Variants in ADAMTS12 observed in about 807,000 individuals in gnomAD.
The protein encoded by ADAMTS12 is ADAM metallopeptidase with thrombospondin type 1 motif 12.
A neutral mutation model predicts 167.8 loss-of-function variants in ADAMTS12; 118 were observed. The ratio of observed to expected loss-of-function variants is 0.70; its 90% CI spans 0.61 to 0.82. The LOEUF (loss-of-function observed/expected upper bound fraction) is 0.82. Among genes scored for constraint, ADAMTS12 ranks in the 40% least tolerant of loss-of-function variants. The probability of loss-of-function intolerance (pLI) is 0.00; values close to 1 mark genes in which losing one functional copy is unlikely to be tolerated. For synonymous variants in ADAMTS12, 704 were observed against 716.9 expected (o/e 0.98, Z 0.29); for missense variants, 1,916 against 1,998.8 (o/e 0.96, Z 0.79).
At chr5:33,619,007 G>A (rs868068991) in intron 14 of ADAMTS12, among the ~76,000 whole-genome samples, 1 of 152,134 alleles carries the variant, frequency 6.6e-6, no homozygotes, top group African/African-American at 2.4e-5. Context: ...TGACCCTCTG[G>A]TCTAGAGGCT....
chr5:33,671,096 G>C (rs1369441506), intron 5 of ADAMTS12, among the ~76,000 whole-genome samples: 1 of 152,124 alleles, frequency 6.6e-6, no homozygotes, highest in Non-Finnish European at 1.5e-5. Flanking sequence ...TGACATTCTT[G>C]AAATGACAAA....
chr5:33,569,887 A>G (rs1178413026), intron 19 of ADAMTS12, among the ~76,000 whole-genome samples: 3 of 152,250 alleles, frequency 2.0e-5, no homozygotes, highest in Non-Finnish European at 4.4e-5. Context: ...TAACCAATAT[A>G]GAGAAGTGCT....
intron 2 of ADAMTS12, among the ~76,000 whole-genome samples, chr5:33,784,531 T>G (rs10038678): frequency 0.13 from 19,054 of 152,006 alleles, 1,559 homozygotes; most frequent in East Asian, 0.4. Flanking sequence ...AAAAAAATAG[T>G]TGTATTCTGT....
intron 2 of ADAMTS12, among the ~76,000 whole-genome samples, chr5:33,805,021 T>C (rs1337670451): frequency 3.3e-5 from 5 of 152,222 alleles, no homozygotes; most frequent in African/African-American, 1.2e-4. Flanking sequence ...ACCAATGTAC[T>C]CATGAGAGTG....
chr5:33,794,307 C>T (rs1472444880), intron 2 of ADAMTS12, among the ~76,000 whole-genome samples: 2 of 152,206 alleles, frequency 1.3e-5, no homozygotes, highest in Non-Finnish European at 2.9e-5. Context: ...AAGTCCGCTT[C>T]CTTCAGAGGG....
chr5:33,735,048 T>C (rs1744322547), intron 3 of ADAMTS12, among the ~76,000 whole-genome samples: 2 of 152,210 alleles, frequency 1.3e-5, no homozygotes, highest in Admixed American at 1.3e-4. Flanking sequence ...TAATAGTACA[T>C]TTGAGATAAC....
intron 2 of ADAMTS12, among the ~76,000 whole-genome samples, chr5:33,839,544 G>A (rs1381261765): frequency 1.3e-5 from 2 of 152,106 alleles, no homozygotes; most frequent in African/African-American, 4.8e-5. Context: ...ACATATGGTG[G>A]CTCCAACTCT....
chr5:33,871,141 C>T (rs1380151452), intron 2 of ADAMTS12, among the ~76,000 whole-genome samples: 1 of 151,938 alleles, frequency 6.6e-6, no homozygotes, highest in Non-Finnish European at 1.5e-5. Flanking sequence ...CACAACTCAC[C>T]CAAAATGAAA....
intron 3 of ADAMTS12, among the ~76,000 whole-genome samples, chr5:33,738,285 T>C (rs140799813): frequency 5.1e-4 from 75 of 147,262 alleles, no homozygotes; most frequent in African/African-American, 1.8e-3. Flanking sequence ...TACTGCTCTG[T>C]GGCCGTTGGG....
At chr5:33,600,676 G>A (rs1241671966) in intron 16 of ADAMTS12, among the ~76,000 whole-genome samples, 1 of 152,088 alleles carries the variant, frequency 6.6e-6, no homozygotes, top group Non-Finnish European at 1.5e-5. Flanking sequence ...TACTGTTAAG[G>A]TCTCTTTTTT....
Position 33,884,498 on chromosome 5 carries a change from G to C in ADAMTS12, c.128-3018C>G, listed in dbSNP as rs538674984. ...TTAAGGCTAAAATGCTAGTGCCCAT[G>C]CTCCCCAAGCCCATAGCAAACCCTC... On this transcript the variant is annotated intron_variant, in intron 1 of 23. Coordinates refer to ENST00000504830, the MANE Select transcript of ADAMTS12 (RefSeq NM_030955.4). Among the ~76,000 whole-genome samples, 7 of 152,274 alleles carry C rather than the reference G, an allele frequency of 4.6e-5. No homozygotes were observed. In the South Asian group the frequency reaches 6.2e-4, roughly 14 times the overall value.
chr5:33,811,608 A>G lies in ADAMTS12; in HGVS notation c.490-60060T>C, dbSNP rs541234096. 1.5e-3 allele frequency among the ~76,000 whole-genome samples: 221 copies of G among 152,338 alleles called. 1 individual carries two copies. Among genetic ancestry groups the G allele is most frequent in the African/African-American group, 5.2e-3 (216 of 41,578 alleles). On this transcript the variant is annotated intron_variant, in intron 2 of 23. Coordinates refer to ENST00000504830, the MANE Select transcript of ADAMTS12 (RefSeq NM_030955.4). ...AGAGGAGAAAGGATTCAAGGAGACTAGAGAGAAAATGGGGCCATATCCTCC... is the reference window on the plus strand; with the variant it reads ...AGAGGAGAAAGGATTCAAGGAGACTGGAGAGAAAATGGGGCCATATCCTCC...
chr5:33,686,936 T>TATATAGAGAGAG (rs70964412), intron 3 of ADAMTS12, among the ~76,000 whole-genome samples: 2 of 145,562 alleles, frequency 1.4e-5, no homozygotes, highest in African/African-American at 5.1e-5. Flanking sequence ...TATATATATA[T>TATATAGAGAGAG]AGAGAGAGAG....
At chr5:33,786,178 AGGCATGAGTGAACTTTTG>A (rs1746317018) in intron 2 of ADAMTS12, among the ~76,000 whole-genome samples, 1 of 152,186 alleles carries the variant, frequency 6.6e-6, no homozygotes, top group African/African-American at 2.4e-5. Context: ...GATTGCCAAC[AGGCATGAGTGAACTTTTG>A]GGGGTCATGG....
chr5:33,796,459 T>C (rs1264178625), intron 2 of ADAMTS12, among the ~76,000 whole-genome samples: 1 of 152,232 alleles, frequency 6.6e-6, no homozygotes, highest in Non-Finnish European at 1.5e-5. Context: ...ATTATGTATA[T>C]TAATATAGGT....
At chr5:33,678,979 A>G (rs370991697) in intron 5 of ADAMTS12, among the ~76,000 whole-genome samples, 64 of 152,336 alleles carry the variant, frequency 4.2e-4, no homozygotes, top group African/African-American at 1.5e-3. Flanking sequence ...GGAGAGAAGG[A>G]GGTATCATCA....
intron 5 of ADAMTS12, among the ~76,000 whole-genome samples, chr5:33,662,843 T>G (rs897877065): frequency 2.0e-5 from 3 of 152,240 alleles, no homozygotes; most frequent in Non-Finnish European, 4.4e-5. Flanking sequence ...GCCTCATTTC[T>G]TTGGGGCCTC....
intron 2 of ADAMTS12, among the ~76,000 whole-genome samples, chr5:33,855,667 A>C (rs888680729): frequency 2.7e-5 from 3 of 111,196 alleles, no homozygotes; most frequent in African/African-American, 1.5e-4. Flanking sequence ...GTATGGGAGA[A>C]ATGTTTTTTT....
At chr5:33,564,101 A>T (rs887046465) in intron 19 of ADAMTS12, among the ~76,000 whole-genome samples, 7 of 152,236 alleles carry the variant, frequency 4.6e-5, no homozygotes, top group Admixed American at 3.3e-4. Context: ...ACAGCCTCCC[A>T]CAGGCCAGAA....
Sources: allele counts gnomAD v4.1 joint callset (sites outside exome capture counted in the v4.1 genomes callset), GRCh38; gene constraint gnomAD v4.1.1; transcripts MANE v1.5; gene names NCBI Gene and HGNC (gene_info 2026-07-23, HGNC 2026-07-21).